WWOX: variants seen among roughly 807,000 people sequenced by gnomAD.
The protein encoded by WWOX is WW domain containing oxidoreductase, also known as WW domain-containing oxidoreductase.
A neutral mutation model predicts 46.2 loss-of-function variants in WWOX; 69 were observed. The ratio of observed to expected loss-of-function variants is 1.49; its 90% CI spans 1.23 to 1.82. The LOEUF (loss-of-function observed/expected upper bound fraction) is 1.82, where lower values mean the gene tolerates loss of function less well. WWOX is among the 40% of genes most tolerant of loss of function. The probability of loss-of-function intolerance (pLI) is 0.00; values close to 1 mark genes in which losing one functional copy is unlikely to be tolerated. For missense variants in WWOX, 919 were observed against 542.6 expected (o/e 1.69, Z -6.89); for synonymous variants, 359 against 202.6 (o/e 1.77, Z -6.56).
chr16:78,930,569 G>A (rs1016530593), intron 8 of WWOX, among the ~76,000 whole-genome samples: 1 of 149,990 alleles, frequency 6.7e-6, no homozygotes, highest in African/African-American at 2.4e-5. Flanking sequence ...GGGATCACAG[G>A]CATAGGCTGC....
At chr16:78,940,655 CTTTCT>C (rs2045833530) in intron 8 of WWOX, among the ~76,000 whole-genome samples, 1 of 143,664 alleles carries the variant, frequency 7.0e-6, no homozygotes, top group South Asian at 2.2e-4. Context: ...ATATGTCTTT[CTTTCT>C]TTTCTTAGGT....
chr16:78,594,730 G>C (rs2045444420), intron 8 of WWOX, among the ~76,000 whole-genome samples: 1 of 151,812 alleles, frequency 6.6e-6, no homozygotes, highest in African/African-American at 2.4e-5. Context: ...TAACTCATAG[G>C]CTACCTCCAA....
At chr16:79,071,683 C>G (rs904662301) in intron 8 of WWOX, among the ~76,000 whole-genome samples, 2 of 152,238 alleles carry the variant, frequency 1.3e-5, no homozygotes, top group Non-Finnish European at 2.9e-5. Context: ...CCTCCTGCCC[C>G]GCATTCCCCT....
At chr16:79,186,730 C>A (rs965042121) in intron 8 of WWOX, among the ~76,000 whole-genome samples, 1 of 152,088 alleles carries the variant, frequency 6.6e-6, no homozygotes, top group African/African-American at 2.4e-5. Context: ...CCTCAAGTAT[C>A]TAGTATACTT....
intron 8 of WWOX, among the ~76,000 whole-genome samples, chr16:79,123,901 G>C (rs912060396): frequency 6.6e-6 from 1 of 152,142 alleles, no homozygotes; most frequent in African/African-American, 2.4e-5. Context: ...ATGGAGGTTT[G>C]ATTAAACCGA....
intron 8 of WWOX, among the ~76,000 whole-genome samples, chr16:78,471,863 G>A (rs534866756): frequency 5.3e-5 from 8 of 152,202 alleles, no homozygotes; most frequent in African/African-American, 1.4e-4. Flanking sequence ...ACATTTTAAT[G>A]TACCAATTTG....
At chr16:78,292,597 T>G (rs1401214010) in intron 5 of WWOX, among the ~76,000 whole-genome samples, 1 of 152,098 alleles carries the variant, frequency 6.6e-6, no homozygotes, top group African/African-American at 2.4e-5. Flanking sequence ...AGGATTTAGT[T>G]GAAAGATTAT....
intron 8 of WWOX, among the ~76,000 whole-genome samples, chr16:78,492,733 G>A (rs1748365741): frequency 6.6e-6 from 1 of 152,180 alleles, no homozygotes; most frequent in African/African-American, 2.4e-5. Flanking sequence ...ATGATTCAGG[G>A]AGTAATTGGT....
intron 8 of WWOX, among the ~76,000 whole-genome samples, chr16:78,758,501 G>C (rs1350046973): frequency 6.6e-6 from 1 of 152,224 alleles, no homozygotes; most frequent in Admixed American, 6.5e-5. Context: ...CTTCCCCCAA[G>C]TGTGTTTCCC....
At chr16:78,730,372 C>G (rs959874470) in intron 8 of WWOX, among the ~76,000 whole-genome samples, 2 of 152,000 alleles carry the variant, frequency 1.3e-5, no homozygotes, top group Non-Finnish European at 2.9e-5. Context: ...AAGCCACGTG[C>G]TGGGATGTAC....
chr16:78,633,873 G>A (rs968476815), intron 8 of WWOX, among the ~76,000 whole-genome samples: 7 of 151,910 alleles, frequency 4.6e-5, no homozygotes, highest in Non-Finnish European at 1.0e-4. Flanking sequence ...ACCTACGGGA[G>A]CAGGGGAGGA....
At chr16:78,779,671 T>G (rs1003264415) in intron 8 of WWOX, among the ~76,000 whole-genome samples, 22 of 152,184 alleles carry the variant, frequency 1.4e-4, no homozygotes, top group Admixed American at 7.2e-4. Context: ...ACACTGCTGA[T>G]CAGTGATGCG....
chr16:78,381,627 T>C (rs1195676636), intron 5 of WWOX, among the ~76,000 whole-genome samples: 6 of 152,228 alleles, frequency 3.9e-5, no homozygotes, highest in African/African-American at 1.4e-4. Context: ...AAGCTTGTAC[T>C]GGTGTGATCA....
intron 8 of WWOX, among the ~76,000 whole-genome samples, chr16:78,621,499 A>G (rs978814725): frequency 1.2e-4 from 17 of 140,588 alleles, no homozygotes; most frequent in African/African-American, 4.1e-4. Flanking sequence ...ACACATTTCC[A>G]TTTTACTTCT....
chr16:78,678,336 A>C (rs959577470), intron 8 of WWOX, among the ~76,000 whole-genome samples: 1 of 152,210 alleles, frequency 6.6e-6, no homozygotes, highest in African/African-American at 2.4e-5. Flanking sequence ...TGAGCGGGCC[A>C]CTGCACTTCA....
In WWOX at chr16:78,346,898, A is replaced by AT. The variant is rs528048148; in HGVS notation, c.517-39955dup. Among the ~76,000 whole-genome samples, 561 of 116,294 alleles carry AT rather than the reference A, an allele frequency of 4.8e-3. 130 individuals carry two copies. The highest frequency in any genetic ancestry group is 0.014 in the African/African-American group (484 of 34,314). The allele number at this position is 116,294 out of a possible 152,430, so 76.3% of individuals were successfully genotyped here. A position where few individuals can be genotyped will look rare whatever the true frequency, so the allele number is the denominator to read the frequency against. ...TTTTGTGTTGTTTTATTTTTATTTT[A>AT]TTTTTTTAGCAGAGACAGGGTTTCA... On this transcript the variant is annotated intron_variant, in intron 5 of 8. Transcript: ENST00000566780.
intron 8 of WWOX, among the ~76,000 whole-genome samples, chr16:78,947,227 G>A (rs1401628050): frequency 1.3e-5 from 2 of 152,100 alleles, no homozygotes; most frequent in African/African-American, 2.4e-5. Flanking sequence ...CTGGAGGCCT[G>A]CAAATGAGTT....
chr16:78,678,027 C>G (rs1335662632), intron 8 of WWOX, among the ~76,000 whole-genome samples: 2 of 152,170 alleles, frequency 1.3e-5, no homozygotes, highest in African/African-American at 2.4e-5. Context: ...AATCTCTACC[C>G]TGCTTTATTT....
Position 78,221,399 on chromosome 16 carries a change from G to A in WWOX, c.516+57110G>A, listed in dbSNP as rs569560812. Reference sequence around the variant, plus strand: ...ATAAAACTTCCTCTAGCTTTCTTGTGTTATGTGTAAAGGAGTTAGTACGTT... The same window carrying A: ...ATAAAACTTCCTCTAGCTTTCTTGTATTATGTGTAAAGGAGTTAGTACGTT... On this transcript the variant is annotated intron_variant, in intron 5 of 8. Transcript: ENST00000566780. Among the ~76,000 whole-genome samples the A allele has an allele frequency of 2.0e-5, 3 of 152,278 alleles. No individual in the cohort carries two copies. In the South Asian group the frequency reaches 6.2e-4, roughly 32 times the overall value.
Sources: gnomAD v4.1 joint callset for allele counts (sites outside exome capture counted in the v4.1 genomes callset) on GRCh38, gnomAD v4.1.1 for gene constraint, MANE v1.5 for transcripts, NCBI Gene and HGNC (gene_info 2026-07-23, HGNC 2026-07-21) for gene names.